Variants in FAM168A observed in about 807,000 individuals in gnomAD.
FAM168A encodes family with sequence similarity 168 member A, also known as protein FAM168A.
In FAM168A, 3 loss-of-function variants were observed where a neutral mutation model predicts 28.5. That is an observed-to-expected ratio of 0.11 (90% confidence interval 0.05 to 0.27). The LOEUF is 0.27. Among genes scored for constraint, FAM168A ranks in the 10% least tolerant of loss-of-function variants. The pLI is 1.00. For synonymous variants in FAM168A, 122 were observed against 124.2 expected (o/e 0.98, Z 0.12); for missense variants, 222 against 311.5 (o/e 0.71, Z 2.16).
intron 1 of FAM168A, among the ~76,000 whole-genome samples, chr11:73,497,783 A>T (rs541716698): frequency 3.0e-4 from 45 of 152,330 alleles, no homozygotes; most frequent in Middle Eastern, 3.4e-3. Context: ...GGATAGCATT[A>T]GGAGAAATAC....
intron 1 of FAM168A, among the ~76,000 whole-genome samples, chr11:73,568,645 C>T (rs1944049881): frequency 6.6e-6 from 1 of 152,104 alleles, no homozygotes; most frequent in South Asian, 2.1e-4. Context: ...ACTTGTAATC[C>T]CAGCACCTTG....
intron 1 of FAM168A, among the ~76,000 whole-genome samples, chr11:73,538,543 C>A (rs1355431529): frequency 6.6e-5 from 10 of 152,168 alleles, no homozygotes; most frequent in Non-Finnish European, 1.5e-4. Context: ...AAATGAATTA[C>A]AATAAGCAGA....
intron 1 of FAM168A, among the ~76,000 whole-genome samples, chr11:73,507,740 T>C (rs1855142278): frequency 6.6e-6 from 1 of 152,184 alleles, no homozygotes; most frequent in East Asian, 1.9e-4. Flanking sequence ...TGAATAATAT[T>C]ACAGGTTTGA....
intron 1 of FAM168A, among the ~76,000 whole-genome samples, chr11:73,556,057 G>A (rs1477609780): frequency 6.6e-6 from 1 of 152,168 alleles, no homozygotes; most frequent in Admixed American, 6.6e-5. Context: ...AACAAAAAAA[G>A]CAATGGGGCT....
intron 1 of FAM168A, among the ~76,000 whole-genome samples, chr11:73,533,314 C>T (rs972157812): frequency 4.5e-4 from 69 of 152,016 alleles, no homozygotes; most frequent in Non-Finnish European, 1.0e-4. Context: ...TTCAGCAACC[C>T]AATTACCTTG....
At chr11:73,505,086 AC>A (rs1855081093) in intron 1 of FAM168A, among the ~76,000 whole-genome samples, 1 of 152,072 alleles carries the variant, frequency 6.6e-6, no homozygotes, top group Admixed American at 6.6e-5. Flanking sequence ...TACCTATGTA[AC>A]AAACCTGCAC....
chr11:73,409,455 G>C (rs778890767), intron 6 of FAM168A, 32 bp downstream of exon 6: 26 of 1,611,126 alleles, frequency 1.6e-5, no homozygotes, highest in Non-Finnish European at 2.2e-5. Flanking sequence ...CTAGAGGAAA[G>C]GGATGGACAC....
intron 1 of FAM168A, among the ~76,000 whole-genome samples, chr11:73,546,792 A>G (rs753247777): frequency 2.0e-5 from 3 of 151,882 alleles, no homozygotes; most frequent in South Asian, 2.1e-4. Context: ...GAACTGTTCT[A>G]TATCTCGACT....
At chr11:73,545,646 T>C (rs968458944) in intron 1 of FAM168A, among the ~76,000 whole-genome samples, 1 of 151,934 alleles carries the variant, frequency 6.6e-6, no homozygotes, top group African/African-American at 2.4e-5. Context: ...CTTGGGCTTA[T>C]TTTGGATTCA....
At chr11:73,509,245 T>G (rs1855172125) in intron 1 of FAM168A, among the ~76,000 whole-genome samples, 1 of 152,166 alleles carries the variant, frequency 6.6e-6, no homozygotes, top group Non-Finnish European at 1.5e-5. Flanking sequence ...GATCAGAACT[T>G]AGGACAAGGC....
chr11:73,500,862 C>T (rs1385852849), intron 1 of FAM168A, among the ~76,000 whole-genome samples: 2 of 152,056 alleles, frequency 1.3e-5, no homozygotes, highest in Non-Finnish European at 2.9e-5. Context: ...TGTAAATGGG[C>T]TAAATGCCCC....
chr11:73,480,938 T>G (rs1177147633), intron 1 of FAM168A, among the ~76,000 whole-genome samples: 6 of 152,208 alleles, frequency 3.9e-5, no homozygotes, highest in Non-Finnish European at 7.3e-5. Flanking sequence ...AGACTTGATA[T>G]TTTGAGTTCC....
At position 73,528,057 on chromosome 11, in the gene FAM168A, T is replaced by G. The variant is rs138802188; in HGVS notation, c.-18-59565A>C. 4.7e-3 allele frequency among the ~76,000 whole-genome samples: 722 copies of G among 152,318 alleles called. 10 individuals are homozygous for G. The highest frequency in any genetic ancestry group is 0.015 in the African/African-American group (606 of 41,566). ...TCATGTCAGCCAGTCTCTGTAGCCA[T>G]GCAGTGGATAATCACAAAATAAACA... On this transcript the variant is annotated intron_variant, in intron 1 of 7. Transcript: ENST00000356467.
chr11:73,434,513 G>A (rs1867055313), intron 2 of FAM168A, among the ~76,000 whole-genome samples: 1 of 152,178 alleles, frequency 6.6e-6, no homozygotes, highest in East Asian at 1.9e-4. Context: ...AGACAAAACA[G>A]TCAGTGCAAA....
At chr11:73,580,293 G>T in intron 1 of FAM168A, 1 of 567,390 alleles carries the variant, frequency 1.8e-6, no homozygotes. Flanking sequence ...AGGAGATAAA[G>T]CCAAGGTGAA....
chr11:73,537,709 T>A (rs1015685961), intron 1 of FAM168A, among the ~76,000 whole-genome samples: 2 of 152,214 alleles, frequency 1.3e-5, no homozygotes, highest in Non-Finnish European at 1.5e-5. Context: ...TCTTTCATTT[T>A]TCCTCCTGAG....
At chr11:73,456,510 A>G (rs1867534998) in intron 2 of FAM168A, among the ~76,000 whole-genome samples, 1 of 152,218 alleles carries the variant, frequency 6.6e-6, no homozygotes, top group Non-Finnish European at 1.5e-5. Context: ...TTTATTTGCA[A>G]AGAATACTGT....
chr11:73,489,434 A>G lies in FAM168A; in HGVS notation c.-18-20942T>C, dbSNP rs531815121. On this transcript the variant is annotated intron_variant, in intron 1 of 7. Coordinates refer to ENST00000356467, the MANE Select transcript of FAM168A (RefSeq NM_015159.3). ...TGCTAAAACTAGTGGTCAATTTTCAACCCTCATCTTACTTGACATGTCAGC... is the reference window on the plus strand; with the variant it reads ...TGCTAAAACTAGTGGTCAATTTTCAGCCCTCATCTTACTTGACATGTCAGC... 3.3e-5 allele frequency among the ~76,000 whole-genome samples: 5 copies of G among 150,914 alleles called. No individual in the cohort carries two copies. The South Asian group carries it at 6.3e-4, about 19-fold the overall frequency.
intron 2 of FAM168A, among the ~76,000 whole-genome samples, chr11:73,446,719 G>A (rs1317423863): frequency 6.6e-6 from 1 of 152,172 alleles, no homozygotes; most frequent in Non-Finnish European, 1.5e-5. Context: ...CTCTAAAAAT[G>A]TCTCAAACAT....
Sources: allele counts gnomAD v4.1 joint callset (sites outside exome capture counted in the v4.1 genomes callset), GRCh38; gene constraint gnomAD v4.1.1; transcripts MANE v1.5; gene names NCBI Gene and HGNC (gene_info 2026-07-23, HGNC 2026-07-21).